ZC3H12D: variants seen among roughly 807,000 people sequenced by gnomAD.
ZC3H12D encodes zinc finger CCCH-type containing 12D, also known as probable ribonuclease ZC3H12D.
ZC3H12D carries 11 observed loss-of-function variants against 24.2 expected under a neutral mutation model. The observed-to-expected ratio is 0.46, with a 90% CI of 0.29 to 0.75. The LOEUF (loss-of-function observed/expected upper bound fraction) is 0.75. ZC3H12D is among the 30% of genes least tolerant of loss of function. The probability of loss-of-function intolerance (pLI) is 0.11; values close to 1 mark genes in which losing one functional copy is unlikely to be tolerated. For synonymous variants in ZC3H12D, 333 were observed against 341.8 expected (o/e 0.97, Z 0.28); for missense variants, 740 against 767.7 (o/e 0.96, Z 0.43).
chr6:149,471,730 C>A (rs1776247010), intron 2 of ZC3H12D, among the ~76,000 whole-genome samples: 1 of 152,234 alleles, frequency 6.6e-6, no homozygotes, highest in African/African-American at 2.4e-5. Context: ...AAAAAAGACT[C>A]TTCTCTAGAA....
In ZC3H12D at chr6:149,474,729, A is replaced by G. The variant is rs764823061; in HGVS notation, c.-70-116T>C. ...GCTGTCAGGAAATCAGGTGGAGCCC[A>G]GTCCCACTGGGGACTTTCAGTTGCT... On this transcript the variant is annotated intron_variant, in intron 1 of 5. Coordinates refer to ENST00000409806, the MANE Select transcript of ZC3H12D (RefSeq NM_207360.3). 6 of 463,704 alleles carry G rather than the reference A, an allele frequency of 1.3e-5. No individual in the cohort carries two copies. The Admixed American group carries it at 2.3e-4, about 18-fold the overall frequency. The allele number at this position is 463,704 out of a possible 1,614,324, so 28.7% of individuals were successfully genotyped here.
chr6:149,471,025 C>T (rs763333369), intron 2 of ZC3H12D, among the ~76,000 whole-genome samples: 10 of 152,206 alleles, frequency 6.6e-5, no homozygotes, highest in Non-Finnish European at 1.2e-4. Context: ...GGTCTGTTTA[C>T]CAGGTCCCCA....
chr6:149,471,081 A>G (rs1776237340), intron 2 of ZC3H12D, among the ~76,000 whole-genome samples: 3 of 152,146 alleles, frequency 2.0e-5, no homozygotes, highest in Non-Finnish European at 4.4e-5. Flanking sequence ...CATTACGTTG[A>G]CCCACCTCTT....
rs1303005641 is a variant in ZC3H12D at position 149,450,832 on chromosome 6, C to T, written c.1435G>A (p.Ala479Thr). 2 of 1,545,992 alleles carry T rather than the reference C, an allele frequency of 1.3e-6. No homozygotes were observed. Among genetic ancestry groups the T allele is most frequent in the Non-Finnish European group, 1.7e-6 (2 of 1,146,686 alleles). Residue 479 changes from alanine to threonine, a missense_variant, in exon 6 of 6, where the codon GCC becomes ACC. Physicochemically the swap from Ala to Thr is moderately conservative, Grantham distance 58 (BLOSUM62 0). Coordinates refer to ENST00000409806, the MANE Select transcript of ZC3H12D (RefSeq NM_207360.3). ...CTGTAGAGCGCGATGCGAGCCCGGG[C>T]GCGCGCGTCCCCCTCGTCGTCCTCG... is the stretch of plus-strand genomic sequence containing the variant. ...ATEDDEGDARARARIALYSVF... is the reference protein window; with the variant it reads ...ATEDDEGDARTRARIALYSVF...
At chr6:149,482,535 G>A (rs909257821) in intron 1 of ZC3H12D, among the ~76,000 whole-genome samples, 5 of 152,198 alleles carry the variant, frequency 3.3e-5, no homozygotes, top group African/African-American at 1.2e-4. Context: ...GCGGGCTGCT[G>A]GGGGTGGGTT....
intron 4 of ZC3H12D, among the ~76,000 whole-genome samples, chr6:149,455,572 G>A (rs1451828767): frequency 6.8e-6 from 1 of 146,036 alleles, no homozygotes; most frequent in African/African-American, 2.5e-5. Context: ...CATTAGCTGA[G>A]TGGTTTGTGC....
intron 1 of ZC3H12D, among the ~76,000 whole-genome samples, chr6:149,477,887 A>G (rs1383759711): frequency 1.3e-5 from 2 of 152,156 alleles, no homozygotes; most frequent in Non-Finnish European, 2.9e-5. Context: ...AACTATTTTT[A>G]GGCCGGGCAC....
chr6:149,482,450 G>A (rs536943214), intron 1 of ZC3H12D, among the ~76,000 whole-genome samples: 23 of 152,292 alleles, frequency 1.5e-4, no homozygotes, highest in African/African-American at 4.8e-4. Context: ...GATGATTAGC[G>A]ACAACACTTA....
At chr6:149,474,107 G>A (rs1250479970) in intron 2 of ZC3H12D, 132 bp downstream of exon 2, 9 of 693,652 alleles carry the variant, frequency 1.3e-5, no homozygotes, top group African/African-American at 1.8e-5. Context: ...CTAAGAGATG[G>A]TACAGGGATT....
In ZC3H12D at chr6:149,454,299, C is replaced by G. The variant is rs191377229; in HGVS notation, c.681-1577G>C. Among the ~76,000 whole-genome samples the G allele has an allele frequency of 1.6e-3, 243 of 152,326 alleles. 6 individuals are homozygous for G. The highest frequency in any genetic ancestry group is 3.7e-4 in the Non-Finnish European group (25 of 68,026). ...CACTTTTTACATAAATACTTTTGTT[C>G]CCAAGGCCACTTCCAGGTCATACAA... On this transcript the variant is annotated intron_variant, in intron 4 of 5. Coordinates refer to ENST00000409806, the MANE Select transcript of ZC3H12D (RefSeq NM_207360.3).
intron 3 of ZC3H12D, among the ~76,000 whole-genome samples, chr6:149,460,759 G>A (rs1251653949): frequency 6.6e-6 from 1 of 152,066 alleles, no homozygotes; most frequent in Admixed American, 6.6e-5. Context: ...GAACCTGAGA[G>A]GCAGAGGTTG....
chr6:149,450,261 G>C lies in ZC3H12D; in HGVS notation c.*422C>G, dbSNP rs916608031. 1 of 173,426 alleles carries C rather than the reference G, an allele frequency of 5.8e-6. No homozygotes were observed. Among genetic ancestry groups the C allele is most frequent in the Non-Finnish European group, 1.2e-5 (1 of 82,864 alleles). The allele number at this position is 173,426 out of a possible 1,614,324, so 10.7% of individuals were successfully genotyped here. A position where few individuals can be genotyped will look rare whatever the true frequency, so the allele number is the denominator to read the frequency against. Reference sequence around the variant, plus strand: ...CCACATTGAGGTTAGTTACATGGCTGCCAAGGGGGTGGGGACACAGGATAG... The same window carrying C: ...CCACATTGAGGTTAGTTACATGGCTCCCAAGGGGGTGGGGACACAGGATAG... On this transcript the variant is annotated 3_prime_UTR_variant, in exon 6 of 6. Transcript: ENST00000409806.
chr6:149,470,939 G>A (rs765353788), intron 2 of ZC3H12D, among the ~76,000 whole-genome samples: 1 of 152,176 alleles, frequency 6.6e-6, no homozygotes, highest in Non-Finnish European at 1.5e-5. Context: ...CTGGCCTAGC[G>A]GTCCTGTACT....
In ZC3H12D at chr6:149,447,588, AG is replaced by A. The variant is rs564605441; in HGVS notation, c.*3094del. ...CAGACCAATCTAGGGGAAAGCCAGT[AG>A]GAGAAACTAATAGACAATTTGACAA... On this transcript the variant is annotated 3_prime_UTR_variant, in exon 6 of 6. Transcript: ENST00000409806. 48 of 152,368 alleles carry A rather than the reference AG, an allele frequency of 3.2e-4. No individual in the cohort carries two copies. The highest frequency in any genetic ancestry group is 1.1e-3 in the African/African-American group (47 of 41,584). 9.4% of individuals were successfully genotyped at this position (152,368 alleles called of 1,614,324 possible).
At position 149,447,114 on chromosome 6, in the gene ZC3H12D, G is replaced by T. The variant is rs1422584286; in HGVS notation, c.*3569C>A. On this transcript the variant is annotated 3_prime_UTR_variant, in exon 6 of 6. Coordinates refer to ENST00000409806, the MANE Select transcript of ZC3H12D (RefSeq NM_207360.3). ...AACTGCCTGCTGCACATCCAGCAAA[G>T]GGAGGTCCTTGCCATGGCCTCACTG... is the stretch of plus-strand genomic sequence containing the variant. 1 of 152,282 alleles carries T rather than the reference G, an allele frequency of 6.6e-6. No homozygotes were observed. Among genetic ancestry groups the T allele is most frequent in the African/African-American group, 2.4e-5 (1 of 41,456 alleles). The allele number at this position is 152,282 out of a possible 1,614,324, so 9.4% of individuals were successfully genotyped here. A position where few individuals can be genotyped will look rare whatever the true frequency, so the allele number is the denominator to read the frequency against.
intron 2 of ZC3H12D, among the ~76,000 whole-genome samples, chr6:149,472,464 A>G (rs1417856844): frequency 6.6e-6 from 1 of 151,062 alleles, no homozygotes; most frequent in Admixed American, 6.6e-5. Context: ...CATTCTTCGT[A>G]GTGAGTCTGA....
chr6:149,474,290 A>C lies in ZC3H12D; in HGVS notation c.254T>G (p.Leu85Arg), dbSNP rs1261671567. ...GTALEEDFRTLASSLRPIVID... is the reference protein window; with the variant it reads ...GTALEEDFRTRASSLRPIVID... ...CACTATGGGTCGCAGAGAACTGGCCAGGGTTCTGAAGTCCTCTTCCAGGGC... is the reference window on the plus strand; with the variant it reads ...CACTATGGGTCGCAGAGAACTGGCCCGGGTTCTGAAGTCCTCTTCCAGGGC... Residue 85 changes from leucine (L) to arginine (R), a missense_variant, in exon 2 of 6, where the codon CTG (leucine) becomes CGG (arginine). Transcript: ENST00000409806. The C allele has an allele frequency of 6.4e-7, 1 of 1,556,204 alleles. No individual in the cohort carries two copies. Among genetic ancestry groups the C allele is most frequent in the African/African-American group, 1.4e-5 (1 of 72,962 alleles).
At chr6:149,457,607 GTGTC>G (rs1179746921) in intron 3 of ZC3H12D, among the ~76,000 whole-genome samples, 1 of 152,236 alleles carries the variant, frequency 6.6e-6, no homozygotes, top group Non-Finnish European at 1.5e-5. Flanking sequence ...CTGTCTCAGA[GTGTC>G]TGTGAGTGGA....
At chr6:149,472,783 C>T (rs778700143) in intron 2 of ZC3H12D, among the ~76,000 whole-genome samples, 1 of 152,144 alleles carries the variant, frequency 6.6e-6, no homozygotes, top group Non-Finnish European at 1.5e-5. Context: ...AGAACTCATA[C>T]AACCTTAGGG....
Sources: allele counts gnomAD v4.1 joint callset (sites outside exome capture counted in the v4.1 genomes callset), GRCh38; gene constraint gnomAD v4.1.1; transcripts MANE v1.5; gene names NCBI Gene and HGNC (gene_info 2026-07-23, HGNC 2026-07-21).